Variants in MMS22L observed in about 807,000 individuals in gnomAD.
The protein encoded by MMS22L is MMS22 like, DNA repair protein.
In MMS22L, 74 loss-of-function variants were observed where a neutral mutation model predicts 159.1. The ratio of observed to expected loss-of-function variants is 0.47; its 90% CI spans 0.39 to 0.56. The LOEUF (loss-of-function observed/expected upper bound fraction) is 0.56, where lower values mean the gene tolerates loss of function less well. MMS22L is among the 20% of genes least tolerant of loss of function. The pLI is 0.00. For missense variants in MMS22L, 1,351 were observed against 1,422.1 expected, an observed-to-expected ratio of 0.95 and a Z score of 0.80; for synonymous variants, 517 against 506.9, an observed-to-expected ratio of 1.02 and a Z score of -0.27.
intron 21 of MMS22L, 78 bp from the exon 22 acceptor site, chr6:97,162,243 T>C (rs1802525468): frequency 5.3e-6 from 7 of 1,315,074 alleles, no homozygotes; most frequent in Non-Finnish European, 6.2e-6. Flanking sequence ...AATTTAAAGA[T>C]ATTGGCAAAA....
chr6:97,162,950 CAT>C (rs142908313), intron 21 of MMS22L, among the ~76,000 whole-genome samples: 8 of 150,670 alleles, frequency 5.3e-5, no homozygotes, highest in Non-Finnish European at 7.4e-5. Flanking sequence ...ACTAGACATC[CAT>C]ATATATATAT....
Position 97,178,518 on chromosome 6 carries a change from A to G in MMS22L, c.2604T>C (p.Ser868=). 6.3e-7 allele frequency: 1 copy of G among 1,585,190 alleles called. No individual in the cohort carries two copies. The change falls in exon 18 of 25, where the codon AGT becomes AGC. Residue 868 remains serine, a synonymous_variant. Coordinates refer to ENST00000683635, the MANE Select transcript of MMS22L (RefSeq NM_001350599.2). ...RLLFNLSEVK[S]IFSKAQVEYL... is the part of the protein sequence containing the mutation. ...ATTCAACTTGGGCCTTTGAGAAAATACTCTTTACTTCTGAGAGATTAAATA... is the reference window on the plus strand; with the variant it reads ...ATTCAACTTGGGCCTTTGAGAAAATGCTCTTTACTTCTGAGAGATTAAATA...
chr6:97,270,281 C>T (rs1203330794), intron 6 of MMS22L: 1 of 542,576 alleles, frequency 1.8e-6, no homozygotes, highest in Non-Finnish European at 3.5e-6. Context: ...GATTCTACTA[C>T]AGCTGCAAGG....
At chr6:97,272,518 T>C (rs1442167753) in intron 6 of MMS22L, 186 bp downstream of exon 6, 10 of 551,840 alleles carry the variant, frequency 1.8e-5, no homozygotes, top group Non-Finnish European at 2.9e-5. Context: ...TACACAGATG[T>C]GGAGGCTGAG....
At chr6:97,199,232 C>T (rs1806871806) in intron 14 of MMS22L, among the ~76,000 whole-genome samples, 1 of 152,050 alleles carries the variant, frequency 6.6e-6, no homozygotes, top group Non-Finnish European at 1.5e-5. Context: ...TTTTTGAGGT[C>T]AACTATTCCA....
intron 4 of MMS22L, among the ~76,000 whole-genome samples, chr6:97,275,415 T>C (rs1816157003): frequency 6.6e-6 from 1 of 151,918 alleles, no homozygotes; most frequent in Admixed American, 6.6e-5. Context: ...TAATCCCAGC[T>C]ACTCGGGAGG....
intron 8 of MMS22L, 133 bp downstream of exon 8, chr6:97,267,739 C>T: frequency 1.3e-6 from 1 of 779,118 alleles, no homozygotes; most frequent in Non-Finnish European, 1.8e-6. Context: ...TTTCAGCTCC[C>T]AGATAATAGC....
At chr6:97,233,309 G>T (rs1489761199) in intron 12 of MMS22L, among the ~76,000 whole-genome samples, 2 of 152,022 alleles carry the variant, frequency 1.3e-5, no homozygotes, top group African/African-American at 4.8e-5. Context: ...TGTCCATGTT[G>T]TTCATTCTGC....
At chr6:97,276,435 A>G (rs1303916025) in intron 4 of MMS22L, among the ~76,000 whole-genome samples, 1 of 129,574 alleles carries the variant, frequency 7.7e-6, no homozygotes, top group African/African-American at 3.2e-5. Context: ...TACTTAAGTT[A>G]TTCTACGTAA....
chr6:97,219,905 C>A (rs1030578319), intron 14 of MMS22L, among the ~76,000 whole-genome samples: 1 of 152,198 alleles, frequency 6.6e-6, no homozygotes, highest in Admixed American at 6.5e-5. Flanking sequence ...AAAACACTTT[C>A]CATTCTCCTC....
chr6:97,210,617 G>A lies in MMS22L; in HGVS notation c.2039+18277C>T, dbSNP rs370250489. Among the ~76,000 whole-genome samples, 14 of 151,974 alleles carry A rather than the reference G, an allele frequency of 9.2e-5. No homozygotes were observed. In the East Asian group the frequency reaches 2.7e-3, roughly 29 times the overall value. On this transcript the variant is annotated intron_variant, in intron 14 of 24. Transcript: ENST00000683635. ...ACAAATTCAGAACAGCATACCAAAAGACAAGACATGACTGTATTAGTCTAT... is the reference window on the plus strand; with the variant it reads ...ACAAATTCAGAACAGCATACCAAAAAACAAGACATGACTGTATTAGTCTAT...
rs892748248 is a variant in MMS22L at position 97,203,158 on chromosome 6, C to T, written c.2040-16468G>A. On this transcript the variant is annotated intron_variant, in intron 14 of 24. Transcript: ENST00000683635. ...AGATCTTTTAAGCTGTTTTTCTTAT[C>T]TTGTTCTTCAAAATTCGAAACTAGA... Among the ~76,000 whole-genome samples the T allele has an allele frequency of 2.6e-5, 4 of 152,238 alleles. No individual in the cohort carries two copies. The East Asian group carries it at 7.7e-4, about 29-fold the overall frequency.
At chr6:97,222,318 AAT>A (rs575262840) in intron 14 of MMS22L, among the ~76,000 whole-genome samples, 28 of 152,094 alleles carry the variant, frequency 1.8e-4, no homozygotes, top group African/African-American at 5.5e-4. Context: ...AAGGAATTTA[AAT>A]ATATATATAT....
chr6:97,154,511 G>C (rs1250178540), intron 22 of MMS22L, among the ~76,000 whole-genome samples: 1 of 152,106 alleles, frequency 6.6e-6, no homozygotes, highest in African/African-American at 2.4e-5. Context: ...CCATAGCTAA[G>C]AATCTGTTGC....
At chr6:97,167,422 G>T (rs1046473131) in intron 20 of MMS22L, among the ~76,000 whole-genome samples, 4 of 152,004 alleles carry the variant, frequency 2.6e-5, no homozygotes, top group African/African-American at 7.2e-5. Flanking sequence ...ACAATATGTG[G>T]ATTATTACAA....
chr6:97,196,693 T>C (rs1240777205), intron 14 of MMS22L, among the ~76,000 whole-genome samples: 2 of 152,174 alleles, frequency 1.3e-5, no homozygotes, highest in Non-Finnish European at 2.9e-5. Flanking sequence ...GATTGCCTAA[T>C]ATATTTATAC....
chr6:97,244,057 T>G (rs1029725083), intron 11 of MMS22L, among the ~76,000 whole-genome samples: 1 of 152,336 alleles, frequency 6.6e-6, no homozygotes, highest in African/African-American at 2.4e-5. Flanking sequence ...ATGCTAGCAG[T>G]GAAGTTGTCA....
intron 14 of MMS22L, 68 bp downstream of exon 14, chr6:97,228,826 T>C (rs1810530618): frequency 2.1e-6 from 3 of 1,420,922 alleles, no homozygotes; most frequent in Non-Finnish European, 2.8e-6. Flanking sequence ...TATATAACTT[T>C]AATATAAAAT....
At chr6:97,209,400 G>A (rs565357367) in intron 14 of MMS22L, among the ~76,000 whole-genome samples, 2 of 151,954 alleles carry the variant, frequency 1.3e-5, no homozygotes, top group East Asian at 3.9e-4. Context: ...AATATCTTGT[G>A]CTTTTCTCAT....
Sources: allele counts gnomAD v4.1 joint callset (sites outside exome capture counted in the v4.1 genomes callset), GRCh38; gene constraint gnomAD v4.1.1; transcripts MANE v1.5; gene names NCBI Gene and HGNC (gene_info 2026-07-23, HGNC 2026-07-21).